Variants in B4GALT7 observed in about 807,000 individuals in gnomAD.
The protein encoded by B4GALT7 is UDP-Gal:beta-GlcNAc beta-1,4-galactosyltransferase 7.
B4GALT7 carries 30 observed loss-of-function variants against 33.0 expected under a neutral mutation model. The ratio of observed to expected loss-of-function variants is 0.91; its 90% CI spans 0.68 to 1.23. The LOEUF is 1.23. Among genes scored for constraint, B4GALT7 ranks in the 50% most tolerant of loss-of-function variants. The probability of loss-of-function intolerance (pLI) is 0.00; values close to 1 mark genes in which losing one functional copy is unlikely to be tolerated. For synonymous variants in B4GALT7, 213 were observed against 187.2 expected (o/e 1.14, Z -1.13); for missense variants, 507 against 450.8 (o/e 1.12, Z -1.13).
intron 5 of B4GALT7, among the ~76,000 whole-genome samples, chr5:177,609,253 C>T (rs112981306): frequency 5.9e-5 from 9 of 152,136 alleles, no homozygotes; most frequent in Non-Finnish European, 8.8e-5. Flanking sequence ...GGTGGGGTGG[C>T]GGAGGCGTAG....
chr5:177,608,505 A>G lies in B4GALT7; in HGVS notation c.640-34A>G. ...ACCAAAGGCCCCCCCCCCCGGGAAG[A>G]TGGGCCGAGTGACGCTGCTTGTCTC... On this transcript the variant is annotated intron_variant, in intron 3 of 5. Coordinates refer to ENST00000029410, the MANE Select transcript of B4GALT7 (RefSeq NM_007255.3). This position sits in a 1 kb window ranked among gnomAD's most constrained non-coding sequence, Gnocchi z 4.1. The G allele has an allele frequency of 9.0e-6, 13 of 1,442,882 alleles. No individual in the cohort carries two copies. Among genetic ancestry groups the G allele is most frequent in the Non-Finnish European group, 1.1e-5 (11 of 1,026,680 alleles). The allele number at this position is 1,442,882 out of a possible 1,614,324, so 89.4% of individuals were successfully genotyped here. A position where few individuals can be genotyped will look rare whatever the true frequency, so the allele number is the denominator to read the frequency against.
chr5:177,601,896 C>T (rs2127510338), intron 1 of B4GALT7, among the ~76,000 whole-genome samples: 1 of 152,156 alleles, frequency 6.6e-6, no homozygotes, highest in South Asian at 2.1e-4. Flanking sequence ...GCTCTTAGAG[C>T]ACAGGATGAT....
At position 177,607,543 on chromosome 5, in the gene B4GALT7, CCTGCT is replaced by C. The variant is rs766548374; in HGVS notation, c.639+23_639+27del. 6.2e-7 allele frequency: 1 copy of C among 1,605,582 alleles called. No homozygotes were observed. The highest frequency in any genetic ancestry group is 1.7e-5 in the Admixed American group (1 of 60,006). ...CTACCGGCTGGTGAGGCCCGGACAG[CCTGCT>C]CTGCTCAGAGCCGGGAGCTCCCTCC... On this transcript the variant is annotated intron_variant, in intron 3 of 5. Transcript: ENST00000029410.
At chr5:177,605,116 C>A in intron 2 of B4GALT7, 3 of 437,170 alleles carry the variant, frequency 6.9e-6, no homozygotes, top group Admixed American at 2.5e-5. Flanking sequence ...TCCCCTTGAT[C>A]CAGATCCCCA....
intron 2 of B4GALT7, chr5:177,605,090 T>C (rs904617627): frequency 2.2e-6 from 1 of 454,510 alleles, no homozygotes; most frequent in East Asian, 7.0e-5. Context: ...CAGCCTGATC[T>C]TCCCACCTTT....
chr5:177,609,254 G>A (rs942158340), intron 5 of B4GALT7, among the ~76,000 whole-genome samples: 15 of 152,288 alleles, frequency 9.8e-5, no homozygotes, highest in African/African-American at 1.4e-4. Flanking sequence ...GTGGGGTGGC[G>A]GAGGCGTAGC....
At position 177,607,546 on chromosome 5, in the gene B4GALT7, G is replaced by T. The variant is rs1561815614; in HGVS notation, c.639+19G>T. 6.2e-7 allele frequency: 1 copy of T among 1,604,234 alleles called. No homozygotes were observed. Among genetic ancestry groups the T allele is most frequent in the East Asian group, 2.2e-5 (1 of 44,862 alleles). On this transcript the variant is annotated intron_variant, in intron 3 of 5. Coordinates refer to ENST00000029410, the MANE Select transcript of B4GALT7 (RefSeq NM_007255.3). ...CCGGCTGGTGAGGCCCGGACAGCCT[G>T]CTCTGCTCAGAGCCGGGAGCTCCCT...
rs1413057173 is a variant in B4GALT7, at chr5:177,608,751, C to T, written c.723+129C>T. On this transcript the variant is annotated intron_variant, in intron 4 of 5. Transcript: ENST00000029410. The surrounding 1 kb of genome is among the most constrained non-coding windows in gnomAD (Gnocchi z 4.1). ...TTCTGATCCCTGCCCTAACCCTGCC[C>T]TGCATGGTCATCTAGCCAGTTCCTT... The T allele has an allele frequency of 1.2e-5, 13 of 1,121,448 alleles. No individual in the cohort carries two copies. Among genetic ancestry groups the T allele is most frequent in the Non-Finnish European group, 1.7e-5 (13 of 755,912 alleles). 69.5% of individuals were successfully genotyped at this position (1,121,448 alleles called of 1,614,324 possible).
intron 2 of B4GALT7, chr5:177,604,974 C>A: frequency 2.2e-6 from 1 of 456,926 alleles, no homozygotes; most frequent in South Asian, 1.5e-5. Flanking sequence ...CCTGCCCTTA[C>A]CAAAAAGTGC....
In B4GALT7 at chr5:177,600,185, C is replaced by T. The variant is rs530248269; in HGVS notation, c.-26C>T. 3.5e-3 allele frequency: 4,708 copies of T among 1,342,070 alleles called. 11 individuals carry two copies. Among genetic ancestry groups the T allele is most frequent in the Non-Finnish European group, 4.2e-3 (4,377 of 1,040,842 alleles). 83.1% of individuals were successfully genotyped at this position (1,342,070 alleles called of 1,614,324 possible). A position where few individuals can be genotyped will look rare whatever the true frequency, so the allele number is the denominator to read the frequency against. ...GGCCGGCCGGGCTGCGAGCGCCTGC[C>T]CCATGCGCCGCCGCCTCTCCGCACG... On this transcript the variant is annotated 5_prime_UTR_variant, in exon 1 of 6. Transcript: ENST00000029410. This position sits in a 1 kb window ranked among gnomAD's most constrained non-coding sequence, Gnocchi z 4.4.
chr5:177,608,252 G>A lies in B4GALT7; in HGVS notation c.640-287G>A, dbSNP rs1768070613. 1 of 478,324 alleles carries A rather than the reference G, an allele frequency of 2.1e-6. No individual in the cohort carries two copies. The highest frequency in any genetic ancestry group is 2.3e-5 in the South Asian group (1 of 43,940). 29.6% of individuals were successfully genotyped at this position (478,324 alleles called of 1,614,324 possible). On this transcript the variant is annotated intron_variant, in intron 3 of 5. Transcript: ENST00000029410. This position sits in a 1 kb window ranked among gnomAD's most constrained non-coding sequence, Gnocchi z 4.1. ...AATGGGGGAAGCAGAAATCAAGTAG[G>A]AGCTGGCGCTTCTGCCCATCGACAG...
intron 1 of B4GALT7, among the ~76,000 whole-genome samples, chr5:177,601,042 C>G (rs1227788991): frequency 6.6e-6 from 1 of 152,164 alleles, no homozygotes; most frequent in African/African-American, 2.4e-5. Context: ...TAAGTCTTCT[C>G]ACAGAACACA....
Position 177,606,749 on chromosome 5 carries a change from A to AC in B4GALT7, c.414-548dup. 4.3e-6 allele frequency: 1 copy of AC among 233,482 alleles called. No individual in the cohort carries two copies. Among genetic ancestry groups the AC allele is most frequent in the South Asian group, 5.9e-5 (1 of 16,932 alleles). 14.5% of individuals were successfully genotyped at this position (233,482 alleles called of 1,614,324 possible). A position where few individuals can be genotyped will look rare whatever the true frequency, so the allele number is the denominator to read the frequency against. ...TTGGGCCTTGTGCAGTCACTGTGTC[A>AC]CCCCCAACATCCCCACCTCTGCCCT... On this transcript the variant is annotated intron_variant, in intron 2 of 5. Transcript: ENST00000029410. This position sits in a 1 kb window ranked among gnomAD's most constrained non-coding sequence, Gnocchi z 4.2.
chr5:177,607,055 G>C (rs189361235), intron 2 of B4GALT7: 2 of 585,040 alleles, frequency 3.4e-6, no homozygotes, highest in East Asian at 2.9e-5. Context: ...CCTTCTATTG[G>C]AATCTCAGTT....
In B4GALT7 at chr5:177,610,120, C is replaced by A; in HGVS notation, c.*425C>A. ...GCAGCTGGCGTAGGTGGCAGTTGGG[C>A]CTGGTGAGGGTTAGGACTTCAGAAA... On this transcript the variant is annotated 3_prime_UTR_variant, in exon 6 of 6. Transcript: ENST00000029410. The A allele has an allele frequency of 4.1e-6, 1 of 241,478 alleles. No homozygotes were observed. Among genetic ancestry groups the A allele is most frequent in the Non-Finnish European group, 8.4e-6 (1 of 119,582 alleles). 15.0% of individuals were successfully genotyped at this position (241,478 alleles called of 1,614,324 possible).
chr5:177,602,989 G>A (rs577195830), intron 1 of B4GALT7: 130 of 440,914 alleles, frequency 2.9e-4, no homozygotes, highest in Non-Finnish European at 3.6e-4. Flanking sequence ...TTCAAGCTAT[G>A]CTTCTGCCTC....
intron 1 of B4GALT7, chr5:177,603,172 C>T (rs561499483): frequency 6.1e-6 from 6 of 984,036 alleles, no homozygotes; most frequent in Non-Finnish European, 7.2e-6. Flanking sequence ...TGAGCCACCA[C>T]GCCTGGCCAG....
At chr5:177,605,489 C>T (rs1028053791) in intron 2 of B4GALT7, among the ~76,000 whole-genome samples, 19 of 152,230 alleles carry the variant, frequency 1.2e-4, no homozygotes, top group Non-Finnish European at 2.2e-4. Flanking sequence ...TCATAGCTGA[C>T]GACTTTGCTT....
At position 177,603,117 on chromosome 5, in the gene B4GALT7, G is replaced by C. The variant is rs546911330; in HGVS notation, c.51-1062G>C. ...AGGCTGGTCTTGAGCTCCTGACCTC[G>C]TGATGCACCTGCCTCGGCCTCCCAA... On this transcript the variant is annotated intron_variant, in intron 1 of 5. Transcript: ENST00000029410. The C allele has an allele frequency of 3.9e-5, 28 of 709,912 alleles. No homozygotes were observed. The East Asian group carries it at 1.3e-3, about 34-fold the overall frequency. 44.0% of individuals were successfully genotyped at this position (709,912 alleles called of 1,614,324 possible). A position where few individuals can be genotyped will look rare whatever the true frequency, so the allele number is the denominator to read the frequency against.
Sources: allele counts gnomAD v4.1 joint callset (sites outside exome capture counted in the v4.1 genomes callset), GRCh38; gene constraint gnomAD v4.1.1; non-coding constraint Gnocchi (gnomAD v3.1); transcripts MANE v1.5; gene names NCBI Gene and HGNC (gene_info 2026-07-23, HGNC 2026-07-21).